Variants in CCSER1 observed in about 807,000 individuals in gnomAD.
CCSER1 encodes coiled-coil serine rich protein 1, also known as serine-rich coiled-coil domain-containing protein 1.
In CCSER1, 41 loss-of-function variants were observed where a neutral mutation model predicts 82.0. The observed-to-expected ratio is 0.50, with a 90% confidence interval of 0.39 to 0.65. The LOEUF (loss-of-function observed/expected upper bound fraction) is 0.65. Ranked by LOEUF, CCSER1 falls within the 30% of genes least tolerant of loss-of-function variation. The pLI is 0.00. For missense variants in CCSER1, 1,119 were observed against 1,064.2 expected, an observed-to-expected ratio of 1.05 and a Z score of -0.72; for synonymous variants, 414 against 383.9, an observed-to-expected ratio of 1.08 and a Z score of -0.92.
chr4:90,781,305 G>C (rs1207943541), intron 7 of CCSER1: 1 of 985,026 alleles, frequency 1.0e-6, no homozygotes, highest in South Asian at 4.7e-5. Flanking sequence ...ACTGTGCTGA[G>C]CTCAAAAAAT....
intron 7 of CCSER1, among the ~76,000 whole-genome samples, chr4:90,777,670 A>C (rs897144113): frequency 2.0e-5 from 3 of 152,172 alleles, no homozygotes; most frequent in African/African-American, 7.2e-5. Flanking sequence ...TATTGTATAT[A>C]GCCAGCAGGA....
intron 3 of CCSER1, among the ~76,000 whole-genome samples, chr4:90,336,475 T>G (rs1052771899): frequency 3.3e-5 from 5 of 152,210 alleles, no homozygotes; most frequent in African/African-American, 4.8e-5. Flanking sequence ...TCAACCAGTT[T>G]TCACCTGTCT....
intron 10 of CCSER1, among the ~76,000 whole-genome samples, chr4:91,261,780 T>C (rs560566694): frequency 2.5e-4 from 38 of 152,344 alleles, no homozygotes; most frequent in African/African-American, 8.7e-4. Flanking sequence ...AATTATGTTA[T>C]AGTTTTTGTC....
intron 10 of CCSER1, among the ~76,000 whole-genome samples, chr4:91,387,494 T>C (rs898889707): frequency 1.2e-4 from 18 of 152,132 alleles, no homozygotes; most frequent in Non-Finnish European, 2.4e-4. Flanking sequence ...AGAAGATATA[T>C]CAAAATCTAT....
intron 9 of CCSER1, among the ~76,000 whole-genome samples, chr4:90,947,150 C>G (rs6858876): frequency 0.046 from 7,016 of 152,212 alleles, 183 homozygotes; most frequent in Non-Finnish European, 0.065. Flanking sequence ...GTAACTCACT[C>G]CAGGGAGCAA....
chr4:90,196,285 G>A (rs574471415), intron 1 of CCSER1, among the ~76,000 whole-genome samples: 46 of 152,136 alleles, frequency 3.0e-4, no homozygotes, highest in Admixed American at 1.7e-3. Flanking sequence ...TATTTGTTAA[G>A]CAAGAGTTGG....
intron 10 of CCSER1, among the ~76,000 whole-genome samples, chr4:91,257,414 G>T (rs982241722): frequency 1.3e-5 from 2 of 151,066 alleles, no homozygotes; most frequent in African/African-American, 2.4e-5. Context: ...AATATTCATG[G>T]TTTGACTTGC....
At chr4:90,139,691 G>T (rs2153332059) in intron 1 of CCSER1, among the ~76,000 whole-genome samples, 1 of 152,262 alleles carries the variant, frequency 6.6e-6, no homozygotes, top group South Asian at 2.1e-4. Flanking sequence ...AGTGGCTCAT[G>T]CCTGTAATCC....
At chr4:91,189,321 TA>T (rs1734820036) in intron 10 of CCSER1, among the ~76,000 whole-genome samples, 1 of 152,066 alleles carries the variant, frequency 6.6e-6, no homozygotes, top group Admixed American at 6.5e-5. Flanking sequence ...GCCCTGGATC[TA>T]AAAAATCAGG....
intron 10 of CCSER1, among the ~76,000 whole-genome samples, chr4:91,152,508 G>T (rs1560471719): frequency 6.6e-6 from 1 of 152,058 alleles, no homozygotes; most frequent in African/African-American, 2.4e-5. Flanking sequence ...GGAGCATTCA[G>T]CCCATTTACA....
chr4:91,478,697 C>A (rs1036688345), intron 10 of CCSER1, among the ~76,000 whole-genome samples: 1 of 151,780 alleles, frequency 6.6e-6, no homozygotes, highest in African/African-American at 2.4e-5. Context: ...TAACTATGGG[C>A]AGACTTTGAA....
At chr4:90,345,233 G>A (rs1005845351) in intron 3 of CCSER1, among the ~76,000 whole-genome samples, 1 of 152,080 alleles carries the variant, frequency 6.6e-6, no homozygotes, top group Non-Finnish European at 1.5e-5. Context: ...CAGCATTGAA[G>A]TCATTGATTG....
rs375120920 is a variant in CCSER1, at chr4:90,807,457, AAT to A, written c.2011-8303_2011-8302del. 3.1e-3 allele frequency among the ~76,000 whole-genome samples: 474 copies of A among 152,224 alleles called. 1 individual carries two copies. The highest frequency in any genetic ancestry group is 0.011 in the African/African-American group (452 of 41,530). On this transcript the variant is annotated intron_variant, in intron 7 of 10. Coordinates refer to ENST00000509176, the MANE Select transcript of CCSER1 (RefSeq NM_001145065.2). ...TTGTCAGCAAATGAAAAGATATATT[AAT>A]AAATTACAACTAAGCTAGGTGTGGT...
intron 5 of CCSER1, among the ~76,000 whole-genome samples, chr4:90,567,020 A>C (rs112224467): frequency 9.5e-6 from 1 of 104,762 alleles, no homozygotes; most frequent in Non-Finnish European, 1.7e-5. Context: ...ACTTAAAAAA[A>C]AAAACAAAAA....
chr4:90,812,786 G>A (rs552886391), intron 7 of CCSER1, among the ~76,000 whole-genome samples: 31 of 151,758 alleles, frequency 2.0e-4, no homozygotes, highest in African/African-American at 7.5e-4. Flanking sequence ...AGCAGCAGGA[G>A]AGAGAGAGAG....
chr4:91,133,512 C>T (rs978402432), intron 10 of CCSER1, among the ~76,000 whole-genome samples: 5 of 152,130 alleles, frequency 3.3e-5, no homozygotes, highest in Non-Finnish European at 7.3e-5. Context: ...GGTAGATTGA[C>T]GCCTCTGGTA....
intron 10 of CCSER1, among the ~76,000 whole-genome samples, chr4:91,298,950 A>G (rs2149234697): frequency 6.6e-6 from 1 of 152,080 alleles, no homozygotes; most frequent in East Asian, 2.0e-4. Flanking sequence ...CAGCAGCACC[A>G]GCAGCAGCAG....
intron 10 of CCSER1, among the ~76,000 whole-genome samples, chr4:91,185,016 C>A (rs572616394): frequency 6.6e-6 from 1 of 152,314 alleles, no homozygotes; most frequent in South Asian, 2.1e-4. Flanking sequence ...TTTACCAACT[C>A]CAACTATGTT....
At chr4:90,555,761 TAAGA>T (rs1419943586) in intron 5 of CCSER1, among the ~76,000 whole-genome samples, 3 of 151,928 alleles carry the variant, frequency 2.0e-5, no homozygotes, top group African/African-American at 7.3e-5. Flanking sequence ...ATTGCTAGCA[TAAGA>T]AAGACATTAT....
Sources: gnomAD v4.1 joint callset for allele counts (sites outside exome capture counted in the v4.1 genomes callset) on GRCh38, gnomAD v4.1.1 for gene constraint, MANE v1.5 for transcripts, NCBI Gene and HGNC (gene_info 2026-07-23, HGNC 2026-07-21) for gene names.